F13A1: variants seen among roughly 807,000 people sequenced by gnomAD.
F13A1 encodes coagulation factor XIII A chain, also known as FSF, A subunit.
A neutral mutation model predicts 80.1 loss-of-function variants in F13A1; 47 were observed. The observed-to-expected ratio is 0.59, with a 90% CI of 0.46 to 0.75. F13A1 has a LOEUF of 0.75. Ranked by LOEUF, F13A1 falls within the 30% of genes least tolerant of loss-of-function variation. The pLI is 0.00. For synonymous variants in F13A1, 349 were observed against 344.9 expected, an observed-to-expected ratio of 1.01 and a Z score of -0.13; for missense variants, 817 against 930.4, an observed-to-expected ratio of 0.88 and a Z score of 1.59.
Position 6,253,311 on chromosome 6 carries a change from C to G in F13A1, c.572-2382G>C, listed in dbSNP as rs566496910. The stretch of plus-strand genomic sequence containing the variant: ...CTTTGCCATGTAACTAGCAGTTCTT[C>G]CCTCTAAATGTGGAATATCCTCTCT... On this transcript the variant is annotated intron_variant, in intron 4 of 14. Transcript: ENST00000264870. Among the ~76,000 whole-genome samples, 9 of 152,292 alleles carry G rather than the reference C, an allele frequency of 5.9e-5. No individual in the cohort carries two copies. The South Asian group carries it at 1.9e-3, about 32-fold the overall frequency.
intron 3 of F13A1, among the ~76,000 whole-genome samples, chr6:6,283,322 T>A (rs1758091663): frequency 6.6e-6 from 1 of 152,210 alleles, no homozygotes; most frequent in Non-Finnish European, 1.5e-5. Context: ...TAACATGTGA[T>A]CCTGGACTAG....
At chr6:6,263,463 T>A (rs184349962) in intron 4 of F13A1, among the ~76,000 whole-genome samples, 16 of 152,318 alleles carry the variant, frequency 1.1e-4, no homozygotes, top group Admixed American at 9.8e-4. Context: ...CTCCACTGAC[T>A]GCTCCTGCTC....
chr6:6,197,846 G>A (rs1472761221), intron 8 of F13A1, among the ~76,000 whole-genome samples: 1 of 152,126 alleles, frequency 6.6e-6, no homozygotes, highest in Admixed American at 6.5e-5. Flanking sequence ...ATGGCTGGAT[G>A]TCTCTTTCCC....
At position 6,243,203 on chromosome 6, in the gene F13A1, TCCTA is replaced by T. The variant is rs1757507728; in HGVS notation, c.798+5105_798+5108del. On this transcript the variant is annotated intron_variant, in intron 6 of 14. Coordinates refer to ENST00000264870, the MANE Select transcript of F13A1 (RefSeq NM_000129.4). This position sits in a 1 kb window ranked among gnomAD's most constrained non-coding sequence, Gnocchi z 4.2. ...CCACCATCACTCCCACCACCATCACTCCTACCATCACCACCACCATCACCGTCAC... is the reference window on the plus strand; with the variant it reads ...CCACCATCACTCCCACCACCATCACTCCATCACCACCACCATCACCGTCAC... 6.8e-6 allele frequency among the ~76,000 whole-genome samples: 1 copy of T among 147,052 alleles called. No individual in the cohort carries two copies. Among genetic ancestry groups the T allele is most frequent in the African/African-American group, 2.5e-5 (1 of 39,638 alleles).
chr6:6,162,545 G>A lies in F13A1; in HGVS notation c.1908+4913C>T, dbSNP rs143106995. Among the ~76,000 whole-genome samples the A allele has an allele frequency of 1.2e-4, 19 of 152,250 alleles. No individual in the cohort carries two copies. The highest frequency in any genetic ancestry group is 2.1e-4 in the South Asian group (1 of 4,820). ...TGTGATAGTTCCATTGTAGCCCAGC[G>A]GCTGCCAGCACAGGCTTCCAAGTCA... is the stretch of plus-strand genomic sequence containing the variant. On this transcript the variant is annotated intron_variant, in intron 13 of 14. Coordinates refer to ENST00000264870, the MANE Select transcript of F13A1 (RefSeq NM_000129.4). This position sits in a 1 kb window ranked among gnomAD's most constrained non-coding sequence, Gnocchi z 4.2.
At position 6,162,239 on chromosome 6, in the gene F13A1, C is replaced by G. The variant is rs565933049; in HGVS notation, c.1908+5219G>C. On this transcript the variant is annotated intron_variant, in intron 13 of 14. Transcript: ENST00000264870. The surrounding 1 kb of genome is among the most constrained non-coding windows in gnomAD (Gnocchi z 4.2). ...CTCAAGCTATCTTTTTCAGGTTACC[C>G]TTACTCATCCCTGCTCCCAGCCTCC... Among the ~76,000 whole-genome samples the G allele has an allele frequency of 1.6e-4, 22 of 139,352 alleles. No homozygotes were observed. The highest frequency in any genetic ancestry group is 5.1e-4 in the African/African-American group (20 of 38,990). The allele number at this position is 139,352 out of a possible 152,430, so 91.4% of individuals were successfully genotyped here. A position where few individuals can be genotyped will look rare whatever the true frequency, so the allele number is the denominator to read the frequency against.
At chr6:6,212,149 A>G (rs888830853) in intron 8 of F13A1, among the ~76,000 whole-genome samples, 1 of 152,130 alleles carries the variant, frequency 6.6e-6, no homozygotes, top group Non-Finnish European at 1.5e-5. Flanking sequence ...CAAAGCGGCC[A>G]GGAAGCTCGA....
chr6:6,147,625 A>G (rs556547710), intron 14 of F13A1, among the ~76,000 whole-genome samples: 2 of 152,312 alleles, frequency 1.3e-5, no homozygotes, highest in South Asian at 4.1e-4. Flanking sequence ...CACTTTGTGA[A>G]ACAGTGGCCC....
Position 6,179,929 on chromosome 6 carries a change from T to C in F13A1, c.1459+2059A>G, listed in dbSNP as rs77243397. ...CTGACTCCTGTTTCGTGGACTGGGT[T>C]TTAGTCTTTCCTCTCGTGGCATCTG... is the stretch of plus-strand genomic sequence containing the variant. On this transcript the variant is annotated intron_variant, in intron 11 of 14. Coordinates refer to ENST00000264870, the MANE Select transcript of F13A1 (RefSeq NM_000129.4). Among the ~76,000 whole-genome samples the C allele has an allele frequency of 2.9e-4, 44 of 152,242 alleles. No homozygotes were observed. In the East Asian group the frequency reaches 5.8e-3, roughly 20 times the overall value.
intron 6 of F13A1, among the ~76,000 whole-genome samples, chr6:6,244,697 C>T (rs1045905767): frequency 2.0e-5 from 3 of 152,066 alleles, no homozygotes; most frequent in African/African-American, 4.8e-5. Context: ...TTCTTGCTGC[C>T]AATGTGGTTT....
chr6:6,294,054 A>G (rs1758276860), intron 3 of F13A1, among the ~76,000 whole-genome samples: 1 of 152,192 alleles, frequency 6.6e-6, no homozygotes, highest in Non-Finnish European at 1.5e-5. Flanking sequence ...GCTTTATGAA[A>G]CAGCTATGTT....
intron 6 of F13A1, among the ~76,000 whole-genome samples, chr6:6,235,387 T>TAA (rs1436050455): frequency 6.6e-6 from 1 of 151,750 alleles, no homozygotes; most frequent in African/African-American, 2.4e-5. Context: ...TTTATCTGAT[T>TAA]AAAAAGAAAA....
intron 9 of F13A1, among the ~76,000 whole-genome samples, chr6:6,196,458 A>C (rs2151082424): frequency 6.6e-6 from 1 of 152,322 alleles, no homozygotes; most frequent in South Asian, 2.1e-4. Context: ...AGTCACCTGT[A>C]AAATGTCCCC....
At chr6:6,267,223 C>T (rs1757857501) in intron 3 of F13A1, among the ~76,000 whole-genome samples, 1 of 152,222 alleles carries the variant, frequency 6.6e-6, no homozygotes, top group Non-Finnish European at 1.5e-5. Flanking sequence ...ATAATTTACA[C>T]AGTGCAAACC....
chr6:6,224,818 C>T lies in F13A1; in HGVS notation c.841G>A (p.Asp281Asn). Reference protein sequence around the residue: ...DDEGVLVGSWDNIYAYGVPPS... With the variant: ...DDEGVLVGSWNNIYAYGVPPS... ...GGGACGCCATAGGCATAGATATTGTCCCAGGATCCAACGAGGACACCTTCG... is the reference window on the plus strand; with the variant it reads ...GGGACGCCATAGGCATAGATATTGTTCCAGGATCCAACGAGGACACCTTCG... Residue 281 changes from aspartate to asparagine, a missense_variant, in exon 7 of 15, where the codon GAC becomes AAC. Transcript: ENST00000264870. 1 of 1,614,044 alleles carries T rather than the reference C, an allele frequency of 6.2e-7. No homozygotes were observed. Among genetic ancestry groups the T allele is most frequent in the South Asian group, 1.1e-5 (1 of 91,078 alleles).
intron 12 of F13A1, among the ~76,000 whole-genome samples, chr6:6,169,915 C>T (rs1760742273): frequency 1.3e-5 from 2 of 152,214 alleles, no homozygotes; most frequent in African/African-American, 4.8e-5. Context: ...AGAGCTGACT[C>T]TTTAAAGCTA....
rs1349521166 is a variant in F13A1, at chr6:6,320,642, G to A, written c.-74C>T. On this transcript the variant is annotated 5_prime_UTR_variant, in exon 1 of 15. Coordinates refer to ENST00000264870, the MANE Select transcript of F13A1 (RefSeq NM_000129.4). ...GCGTGGGCTTGCTCTGTGCGCCTCG[G>A]GGACTTCCTCAAACGGACTCGGGAA... 1 of 470,470 alleles carries A rather than the reference G, an allele frequency of 2.1e-6. No homozygotes were observed. Among genetic ancestry groups the A allele is most frequent in the South Asian group, 1.6e-5 (1 of 64,428 alleles). 29.1% of individuals were successfully genotyped at this position (470,470 alleles called of 1,614,324 possible).
At chr6:6,155,646 G>C (rs913921937) in intron 13 of F13A1, among the ~76,000 whole-genome samples, 1 of 151,888 alleles carries the variant, frequency 6.6e-6, no homozygotes, top group African/African-American at 2.4e-5. Context: ...CCCAATGCTC[G>C]ACATCACTGT....
At chr6:6,199,104 T>G (rs1431523290) in intron 8 of F13A1, among the ~76,000 whole-genome samples, 1 of 152,152 alleles carries the variant, frequency 6.6e-6, no homozygotes, top group Non-Finnish European at 1.5e-5. Context: ...TGCACGAAAC[T>G]AACAAATACA....
Sources: allele counts gnomAD v4.1 joint callset (sites outside exome capture counted in the v4.1 genomes callset), GRCh38; gene constraint gnomAD v4.1.1; non-coding constraint Gnocchi (gnomAD v3.1); transcripts MANE v1.5; gene names NCBI Gene and HGNC (gene_info 2026-07-23, HGNC 2026-07-21).